Variants in SNX3 observed in about 807,000 individuals in gnomAD.
SNX3 encodes sorting nexin-3.
In SNX3, 5 loss-of-function variants were observed where a neutral mutation model predicts 17.7. The ratio of observed to expected loss-of-function variants is 0.28; its 90% CI spans 0.15 to 0.59. SNX3 has a LOEUF of 0.59. Ranked by LOEUF, SNX3 falls within the 20% of genes least tolerant of loss-of-function variation. SNX3 has a pLI of 0.88. For missense variants in SNX3, 132 were observed against 206.8 expected, an observed-to-expected ratio of 0.64 and a Z score of 2.22; for synonymous variants, 91 against 76.5, an observed-to-expected ratio of 1.19 and a Z score of -0.99.
chr6:108,218,554 G>A (rs1192357281), intron 2 of SNX3, among the ~76,000 whole-genome samples: 2 of 152,200 alleles, frequency 1.3e-5, no homozygotes, highest in Admixed American at 1.3e-4. Flanking sequence ...CATGCAGACA[G>A]AAACCTATGC....
intron 1 of SNX3, among the ~76,000 whole-genome samples, chr6:108,250,648 A>G (rs1367045964): frequency 1.3e-5 from 2 of 152,204 alleles, no homozygotes; most frequent in Non-Finnish European, 2.9e-5. Flanking sequence ...GTGAGATACC[A>G]AGACCAGACA....
intron 1 of SNX3, among the ~76,000 whole-genome samples, chr6:108,240,491 T>G (rs967095912): frequency 2.0e-5 from 3 of 152,108 alleles, no homozygotes; most frequent in African/African-American, 7.2e-5. Context: ...AGTGTTGGGA[T>G]TACAGGCATG....
chr6:108,241,276 G>A (rs1775515664), intron 1 of SNX3, among the ~76,000 whole-genome samples: 1 of 151,964 alleles, frequency 6.6e-6, no homozygotes, highest in Non-Finnish European at 1.5e-5. Context: ...GAGAGCCATG[G>A]ACATGAGAAG....
intron 2 of SNX3, among the ~76,000 whole-genome samples, chr6:108,215,619 C>T (rs1774545004): frequency 6.6e-6 from 1 of 152,172 alleles, no homozygotes. Context: ...CTGCTGATCT[C>T]TCCCTTCTGG....
chr6:108,260,808 C>A lies in SNX3; in HGVS notation c.114G>T (p.Thr38=), dbSNP rs774952743. The part of the protein sequence containing the change: ...FLEIDVSNPQ[T]VGVGRGRFTT... ...TGAAGCGGCCCCGGCCGACCCCCACCGTTTGCGGGTTGCTCACATCGATCT... is the reference window on the plus strand; with the variant it reads ...TGAAGCGGCCCCGGCCGACCCCCACAGTTTGCGGGTTGCTCACATCGATCT... Residue 38 remains threonine (T), a synonymous_variant, in exon 1 of 4, where the codon ACG becomes ACT. Coordinates refer to ENST00000230085, the MANE Select transcript of SNX3 (RefSeq NM_003795.6). 2.8e-5 allele frequency: 45 copies of A among 1,613,774 alleles called. No homozygotes were observed. Among genetic ancestry groups the A allele is most frequent in the Non-Finnish European group, 3.6e-5 (42 of 1,179,874 alleles).
rs1034979141 is a variant in SNX3, at chr6:108,238,414, C to T, written c.163-15369G>A. 2.0e-5 allele frequency among the ~76,000 whole-genome samples: 3 copies of T among 152,186 alleles called. No individual in the cohort carries two copies. The South Asian group carries it at 6.2e-4, about 32-fold the overall frequency. On this transcript the variant is annotated intron_variant, in intron 1 of 3. Transcript: ENST00000230085. ...TGTTTTAGGCTCAGAGGCTTTAAAG[C>T]TAACAAAAATTTTCTAAGTATACTT...
At position 108,261,011 on chromosome 6, in the gene SNX3, A is replaced by T. The variant is rs1473862885; in HGVS notation, c.-90T>A. 2.4e-6 allele frequency: 3 copies of T among 1,253,026 alleles called. No homozygotes were observed. The African/African-American group carries it at 4.8e-5, about 20-fold the overall frequency. The allele number at this position is 1,253,026 out of a possible 1,614,324, so 77.6% of individuals were successfully genotyped here. On this transcript the variant is annotated 5_prime_UTR_variant, in exon 1 of 4. Coordinates refer to ENST00000230085, the MANE Select transcript of SNX3 (RefSeq NM_003795.6). ...CGCCGCTGCTGCCCGCCGTGGGGAC[A>T]CGGGGCTCGCGCGCAGCGGTCGCGA...
At chr6:108,258,562 T>C (rs966401859) in intron 1 of SNX3, among the ~76,000 whole-genome samples, 1 of 152,072 alleles carries the variant, frequency 6.6e-6, no homozygotes, top group Admixed American at 6.6e-5. Flanking sequence ...CCGGCTTGAG[T>C]AGAGTGGCCT....
At chr6:108,223,672 G>T (rs1368789245) in intron 1 of SNX3, among the ~76,000 whole-genome samples, 2 of 151,058 alleles carry the variant, frequency 1.3e-5, no homozygotes, top group Non-Finnish European at 2.9e-5. Flanking sequence ...TAATTTTCTT[G>T]TATTTTTAGT....
intron 1 of SNX3, among the ~76,000 whole-genome samples, chr6:108,254,853 T>C (rs915495263): frequency 1.3e-5 from 2 of 152,154 alleles, no homozygotes; most frequent in African/African-American, 4.8e-5. Context: ...AAGCCTGTTC[T>C]TAACAGAGGA....
chr6:108,248,367 G>A (rs769341663), intron 1 of SNX3, among the ~76,000 whole-genome samples: 6 of 152,150 alleles, frequency 3.9e-5, no homozygotes, highest in Non-Finnish European at 8.8e-5. Flanking sequence ...GACAGTTCTG[G>A]GGAAAACTTA....
chr6:108,232,043 A>G (rs560403452), intron 1 of SNX3, among the ~76,000 whole-genome samples: 4 of 152,322 alleles, frequency 2.6e-5, no homozygotes, highest in African/African-American at 9.6e-5. Context: ...AGATGAGAAT[A>G]TATTTTGCTT....
chr6:108,231,942 C>G (rs1032353476), intron 1 of SNX3, among the ~76,000 whole-genome samples: 1 of 152,150 alleles, frequency 6.6e-6, no homozygotes, highest in African/African-American at 2.4e-5. Context: ...CAGAATTAAA[C>G]AAGGGTTTAT....
chr6:108,254,364 G>T (rs571966968), intron 1 of SNX3, among the ~76,000 whole-genome samples: 1 of 152,028 alleles, frequency 6.6e-6, no homozygotes, highest in Non-Finnish European at 1.5e-5. Context: ...CTCAGGAGGC[G>T]AAGGTTGGGA....
intron 2 of SNX3, among the ~76,000 whole-genome samples, chr6:108,217,902 AAT>A (rs538749909): frequency 7.0e-4 from 106 of 152,366 alleles, no homozygotes; most frequent in African/African-American, 2.4e-3. Context: ...ATCTGACCAT[AAT>A]ACATGTCAGC....
rs1485349719 is a variant in SNX3, at chr6:108,211,769, A to G, written c.*380T>C. The G allele has an allele frequency of 5.6e-6, 1 of 177,984 alleles. No homozygotes were observed. Among genetic ancestry groups the G allele is most frequent in the Admixed American group, 6.1e-5 (1 of 16,332 alleles). The allele number at this position is 177,984 out of a possible 1,614,324, so 11.0% of individuals were successfully genotyped here. A position where few individuals can be genotyped will look rare whatever the true frequency, so the allele number is the denominator to read the frequency against. The stretch of plus-strand genomic sequence containing the variant: ...GGGGTCAAGTGACATCACAAATTAA[A>G]AGGGGGAAAGAGAAATATTCTAGTT... On this transcript the variant is annotated 3_prime_UTR_variant, in exon 4 of 4. Transcript: ENST00000230085.
At chr6:108,256,802 A>G (rs1207886193) in intron 1 of SNX3, among the ~76,000 whole-genome samples, 1 of 152,212 alleles carries the variant, frequency 6.6e-6, no homozygotes, top group Non-Finnish European at 1.5e-5. Flanking sequence ...GAATATGCCT[A>G]AATAATTCCA....
chr6:108,247,845 C>T (rs1251731928), intron 1 of SNX3, among the ~76,000 whole-genome samples: 1 of 151,956 alleles, frequency 6.6e-6, no homozygotes, highest in Non-Finnish European at 1.5e-5. Flanking sequence ...TGCCTGTAAT[C>T]CCAGCACTTT....
intron 1 of SNX3, among the ~76,000 whole-genome samples, chr6:108,234,547 T>C (rs969662620): frequency 2.6e-5 from 4 of 151,990 alleles, no homozygotes; most frequent in African/African-American, 7.3e-5. Flanking sequence ...TGAGGCTCTG[T>C]CTCAAAAAAA....
Sources: gnomAD v4.1 joint callset for allele counts (sites outside exome capture counted in the v4.1 genomes callset) on GRCh38, gnomAD v4.1.1 for gene constraint, MANE v1.5 for transcripts, NCBI Gene and HGNC (gene_info 2026-07-23, HGNC 2026-07-21) for gene names.